Variants in USP4 observed in about 807,000 individuals in gnomAD.
USP4 encodes ubiquitin specific peptidase 4.
A neutral mutation model predicts 118.2 loss-of-function variants in USP4; 72 were observed. The observed-to-expected ratio is 0.61, with a 90% CI of 0.50 to 0.74. USP4 has a LOEUF of 0.74. Ranked by LOEUF, USP4 falls within the 30% of genes least tolerant of loss-of-function variation. The pLI is 0.00. For synonymous variants in USP4, 415 were observed against 440.4 expected (o/e 0.94, Z 0.72); for missense variants, 1,037 against 1,185.7 (o/e 0.87, Z 1.84).
At position 49,324,951 on chromosome 3, in the gene USP4, G is replaced by A. The variant is rs372890283; in HGVS notation, c.576C>T (p.Tyr192=). The part of the protein sequence containing the change: ...RLWNKYMSNT[Y]EQLSKLDNTV... ...TGTTGTCTAGCTTGCTCAACTGCTC[G>A]TAGGTGTTGCTCATGTATTTGTTCC... Residue 192 remains tyrosine, a synonymous_variant, in exon 5 of 22, where the codon TAC becomes TAT. Coordinates refer to ENST00000265560, the MANE Select transcript of USP4 (RefSeq NM_003363.4). The A allele has an allele frequency of 3.2e-5, 51 of 1,614,000 alleles. No homozygotes were observed. Among genetic ancestry groups the A allele is most frequent in the East Asian group, 2.9e-4 (13 of 44,896 alleles).
At chr3:49,305,941 T>C (rs1402928223) in intron 8 of USP4, 53 bp from the exon 9 acceptor site, 2 of 1,504,470 alleles carry the variant, frequency 1.3e-6, no homozygotes, top group South Asian at 1.3e-5. Flanking sequence ...GTACCAGAGA[T>C]ACAAGATAAA....
intron 6 of USP4, among the ~76,000 whole-genome samples, chr3:49,321,869 C>T (rs761454858): frequency 2.0e-5 from 3 of 152,076 alleles, no homozygotes; most frequent in Non-Finnish European, 4.4e-5. Flanking sequence ...GTGGCATGCA[C>T]CTGTAATCCC....
At chr3:49,322,678 T>G (rs1470542229) in intron 6 of USP4, among the ~76,000 whole-genome samples, 1 of 151,838 alleles carries the variant, frequency 6.6e-6, no homozygotes, top group Non-Finnish European at 1.5e-5. Flanking sequence ...CTGGCCAACA[T>G]GGTAAAACCC....
At chr3:49,320,313 A>G (rs2047485072) in intron 6 of USP4, among the ~76,000 whole-genome samples, 1 of 152,044 alleles carries the variant, frequency 6.6e-6, no homozygotes, top group Non-Finnish European at 1.5e-5. Context: ...GTGGTGGCGC[A>G]TGCCTGTAAT....
intron 1 of USP4, among the ~76,000 whole-genome samples, chr3:49,338,954 T>C: frequency 6.6e-6 from 1 of 152,130 alleles, no homozygotes; most frequent in Non-Finnish European, 1.5e-5. Context: ...GAGACCAGCC[T>C]ACCCAACATG....
chr3:49,300,800 A>G, intron 10 of USP4, 109 bp from the exon 11 acceptor site: 1 of 957,958 alleles, frequency 1.0e-6, no homozygotes, highest in Non-Finnish European at 1.6e-6. Context: ...CAATCTGTAC[A>G]GCCAAGAGCT....
chr3:49,321,626 C>A (rs1297702799), intron 6 of USP4, among the ~76,000 whole-genome samples: 1 of 152,118 alleles, frequency 6.6e-6, no homozygotes, highest in East Asian at 1.9e-4. Flanking sequence ...TGCCACTGCA[C>A]CGGGCTAATT....
chr3:49,339,641 C>T (rs1389786236), intron 1 of USP4, among the ~76,000 whole-genome samples: 4 of 152,138 alleles, frequency 2.6e-5, no homozygotes, highest in Non-Finnish European at 4.4e-5. Context: ...GCTCTCCCCA[C>T]CCTTAGGGTC....
intron 6 of USP4, among the ~76,000 whole-genome samples, chr3:49,321,995 TAAAAAAAC>T (rs1380065367): frequency 1.3e-5 from 2 of 151,584 alleles, no homozygotes; most frequent in African/African-American, 2.4e-5. Flanking sequence ...CTCCGTCTAT[TAAAAAAAC>T]AAAAAAACAA....
intron 20 of USP4, 144 bp from the exon 21 acceptor site, chr3:49,279,046 C>CA (rs2046990350): frequency 2.2e-6 from 1 of 449,422 alleles, no homozygotes; most frequent in African/African-American, 2.0e-5. Context: ...TCTTAACAAC[C>CA]AAAAAACAAC....
At chr3:49,292,420 C>G (rs538118354) in intron 15 of USP4, 90 bp downstream of exon 15, 4 of 835,704 alleles carry the variant, frequency 4.8e-6, no homozygotes, top group East Asian at 5.9e-5. Flanking sequence ...GTCCCAACCC[C>G]CTTCTCCCAT....
rs2047272600 is a variant in USP4, at chr3:49,302,558, C to T, written c.1129-16G>A. ...CTACTTGAGTCTACAACAAAAGCAA[C>T]TGTATCAGAAGGCATAATACGTAAA... On this transcript the variant is annotated splice_polypyrimidine_tract_variant and intron_variant, in intron 9 of 21. Transcript: ENST00000265560. The T allele has an allele frequency of 1.2e-6, 2 of 1,611,180 alleles. No homozygotes were observed. Among genetic ancestry groups the T allele is most frequent in the Non-Finnish European group, 1.7e-6 (2 of 1,179,126 alleles).
rs75305661 is a variant in USP4 at position 49,298,624 on chromosome 3, A to G, written c.1524T>C (p.Thr508=). ...PHCRPTQYRV[T]VPLMGAVSDL... is the part of the protein sequence containing the mutation. ...CGGACACAGCCCCCATCAGCGGCAC[A>G]GTCACACGGTACTGCAAGACAGAGA... The change falls in exon 12 of 22, where the codon ACT becomes ACC. Residue 508 remains threonine (T), a synonymous_variant. Transcript: ENST00000265560. 9,375 of 1,614,152 alleles carry G rather than the reference A, an allele frequency of 5.8e-3. 501 individuals are homozygous for G. In the Admixed American group the frequency reaches 0.11, roughly 19 times the overall value.
Position 49,277,262 on chromosome 3 carries a change from T to C in USP4, c.*1031A>G. On this transcript the variant is annotated 3_prime_UTR_variant, in exon 22 of 22. Coordinates refer to ENST00000265560, the MANE Select transcript of USP4 (RefSeq NM_003363.4). The stretch of plus-strand genomic sequence containing the variant: ...CGCGCAGGCCCCAAACCCCCACGGA[T>C]TAGGTTGAAGGTCAGACAAAAAATC... 7.7e-6 allele frequency: 10 copies of C among 1,293,714 alleles called. No individual in the cohort carries two copies. The highest frequency in any genetic ancestry group is 9.1e-6 in the Non-Finnish European group (9 of 991,176). The allele number at this position is 1,293,714 out of a possible 1,614,324, so 80.1% of individuals were successfully genotyped here.
At chr3:49,279,035 G>C in intron 20 of USP4, 133 bp from the exon 21 acceptor site, 1 of 491,380 alleles carries the variant, frequency 2.0e-6, no homozygotes, top group Non-Finnish European at 3.5e-6. Flanking sequence ...TACAGTGTGT[G>C]TCTTAACAAC....
intron 18 of USP4, 76 bp downstream of exon 18, chr3:49,284,390 T>G: frequency 8.2e-7 from 1 of 1,218,376 alleles, no homozygotes; most frequent in Non-Finnish European, 1.2e-6. Context: ...AAGGGGTTTA[T>G]GTGCACAGAT....
intron 19 of USP4, among the ~76,000 whole-genome samples, chr3:49,281,200 T>C (rs1032019604): frequency 3.3e-5 from 5 of 152,078 alleles, no homozygotes; most frequent in African/African-American, 1.2e-4. Flanking sequence ...CTCACACCTG[T>C]AATCCCAGCA....
intron 8 of USP4, among the ~76,000 whole-genome samples, chr3:49,309,619 CTTTT>C (rs35128646): frequency 5.0e-5 from 4 of 79,360 alleles, no homozygotes; most frequent in African/African-American, 9.8e-5. Context: ...GGCGGGACAG[CTTTT>C]TTTTTTTTTT....
intron 9 of USP4, among the ~76,000 whole-genome samples, chr3:49,303,914 G>A (rs1224449637): frequency 1.3e-5 from 2 of 152,006 alleles, no homozygotes; most frequent in African/African-American, 4.8e-5. Flanking sequence ...CACCACGCCT[G>A]GCTAATTTTT....
Sources: allele counts gnomAD v4.1 joint callset (sites outside exome capture counted in the v4.1 genomes callset), GRCh38; gene constraint gnomAD v4.1.1; transcripts MANE v1.5; gene names NCBI Gene and HGNC (gene_info 2026-07-23, HGNC 2026-07-21).